The following RAPGEF5 variants were observed in gnomAD, a reference collection of about 807,000 sequenced individuals.
The protein encoded by RAPGEF5 is M-Ras-regulated GEF.
Under a neutral mutation model 125.2 loss-of-function variants are expected in RAPGEF5, and 65 were observed. The ratio of observed to expected loss-of-function variants is 0.52; its 90% CI spans 0.43 to 0.64. The LOEUF (loss-of-function observed/expected upper bound fraction) is 0.64. Ranked by LOEUF, RAPGEF5 falls within the 30% of genes least tolerant of loss-of-function variation. RAPGEF5 has a pLI of 0.00. For missense variants in RAPGEF5, 958 were observed against 1,048.1 expected, an observed-to-expected ratio of 0.91 and a Z score of 1.19; for synonymous variants, 391 against 385.9, an observed-to-expected ratio of 1.01 and a Z score of -0.16.
intron 5 of RAPGEF5, among the ~76,000 whole-genome samples, chr7:22,298,173 G>GTT (rs1353403134): frequency 1.2e-4 from 14 of 118,650 alleles, no homozygotes; most frequent in South Asian, 3.1e-4. Context: ...ATATTGTTCT[G>GTT]TTTTTTGTTT....
chr7:22,234,556 G>A (rs917946778), intron 7 of RAPGEF5, among the ~76,000 whole-genome samples: 2 of 152,182 alleles, frequency 1.3e-5, no homozygotes, highest in Non-Finnish European at 2.9e-5. Flanking sequence ...AAAGATACAA[G>A]TGCAAGATCT....
intron 7 of RAPGEF5, among the ~76,000 whole-genome samples, chr7:22,252,679 C>T (rs1784953603): frequency 6.6e-6 from 1 of 152,078 alleles, no homozygotes; most frequent in South Asian, 2.1e-4. Context: ...TTATAGTATG[C>T]CATTGAATGG....
chr7:22,175,829 A>T (rs1292323786), intron 11 of RAPGEF5, among the ~76,000 whole-genome samples: 2 of 152,246 alleles, frequency 1.3e-5, no homozygotes, highest in Non-Finnish European at 2.9e-5. Flanking sequence ...AACTTAGGAC[A>T]TTGTAATGTT....
chr7:22,294,427 C>CT (rs1319319875), intron 5 of RAPGEF5, among the ~76,000 whole-genome samples: 2 of 152,158 alleles, frequency 1.3e-5, no homozygotes, highest in African/African-American at 2.4e-5. Flanking sequence ...GCAGATGTCT[C>CT]TGTAAGTTCA....
intron 14 of RAPGEF5, among the ~76,000 whole-genome samples, chr7:22,158,958 C>CTTA (rs1462074763): frequency 6.6e-6 from 1 of 152,128 alleles, no homozygotes; most frequent in Non-Finnish European, 1.5e-5. Context: ...ATATCATTTT[C>CTTA]TTATTTTACT....
At chr7:22,305,163 G>T (rs562523663) in intron 5 of RAPGEF5, among the ~76,000 whole-genome samples, 1 of 152,290 alleles carries the variant, frequency 6.6e-6, no homozygotes, top group South Asian at 2.1e-4. Flanking sequence ...CGGGTTACCC[G>T]ATCTCTGTAC....
chr7:22,157,735 C>T, intron 15 of RAPGEF5, 120 bp downstream of exon 15: 3 of 1,123,216 alleles, frequency 2.7e-6, no homozygotes, highest in Non-Finnish European at 3.9e-6. Flanking sequence ...CCCCAGGCGC[C>T]CCGCCTTGTC....
chr7:22,306,945 G>A (rs1016264620), intron 5 of RAPGEF5, among the ~76,000 whole-genome samples: 4 of 152,154 alleles, frequency 2.6e-5, no homozygotes, highest in African/African-American at 9.7e-5. Context: ...TGCTGTTTGG[G>A]TTACTATAGC....
chr7:22,196,989 GAAGTA>G (rs1180069941), intron 9 of RAPGEF5, among the ~76,000 whole-genome samples: 1 of 152,194 alleles, frequency 6.6e-6, no homozygotes, highest in Non-Finnish European at 1.5e-5. Flanking sequence ...CTAAGGGGAA[GAAGTA>G]AAGTGGGAGA....
In RAPGEF5 at chr7:22,308,507, A is replaced by T; in HGVS notation, c.512T>A (p.Val171Glu). The T allele has an allele frequency of 6.6e-7, 1 of 1,516,948 alleles. No individual in the cohort carries two copies. Among genetic ancestry groups the T allele is most frequent in the Non-Finnish European group, 8.9e-7 (1 of 1,128,344 alleles). The allele number at this position is 1,516,948 out of a possible 1,614,324, so 94.0% of individuals were successfully genotyped here. Residue 171 changes from valine to glutamate, a missense_variant and splice_region_variant, in exon 5 of 26, where the codon GTG (valine) becomes GAG (glutamate). By Grantham distance (121) the Val-to-Glu change is moderately radical. Coordinates refer to ENST00000665637, the MANE Select transcript of RAPGEF5 (RefSeq NM_012294.5). Reference sequence around the variant, plus strand: ...ATCTTGAAAGTATAGATGCTGGTCCACTGTTTGAAACAAAAAATATATAGA... The same window carrying T: ...ATCTTGAAAGTATAGATGCTGGTCCTCTGTTTGAAACAAAAAATATATAGA... The part of the protein sequence containing the change: ...LLLDMGIMLS[V>E]DQHLYFQDTY...
intron 11 of RAPGEF5, among the ~76,000 whole-genome samples, chr7:22,175,031 G>A (rs895928096): frequency 6.6e-6 from 1 of 152,162 alleles, no homozygotes; most frequent in Non-Finnish European, 1.5e-5. Flanking sequence ...ATGTTTGGGC[G>A]ATGGTAAGGG....
chr7:22,279,980 G>A (rs1167593970), intron 6 of RAPGEF5, among the ~76,000 whole-genome samples: 1 of 152,124 alleles, frequency 6.6e-6, no homozygotes, highest in Non-Finnish European at 1.5e-5. Context: ...TGCTTCCTAT[G>A]TGCCAGTAGA....
rs1187050404 is a variant in RAPGEF5 at position 22,219,860 on chromosome 7, G to A, written c.996+6C>T. ...AACCTGCATCCCCAAGAGGCAAAAG[G>A]CTTACGTGTTCAGACTTCTCCTGTT... On this transcript the variant is annotated splice_donor_region_variant and intron_variant, in intron 9 of 25. Coordinates refer to ENST00000665637, the MANE Select transcript of RAPGEF5 (RefSeq NM_012294.5). The A allele has an allele frequency of 6.2e-7, 1 of 1,601,992 alleles. No individual in the cohort carries two copies. The highest frequency in any genetic ancestry group is 1.7e-5 in the Admixed American group (1 of 59,670).
At chr7:22,244,698 C>T (rs1490553131) in intron 7 of RAPGEF5, among the ~76,000 whole-genome samples, 1 of 152,054 alleles carries the variant, frequency 6.6e-6, no homozygotes. Flanking sequence ...CATCCTGAAA[C>T]CATCCCCCTA....
At chr7:22,175,214 A>C (rs958811330) in intron 11 of RAPGEF5, among the ~76,000 whole-genome samples, 1 of 152,214 alleles carries the variant, frequency 6.6e-6, no homozygotes, top group Non-Finnish European at 1.5e-5. Context: ...AAGAGGCTTT[A>C]TCGGGCTCAG....
chr7:22,270,202 A>C (rs543927970), intron 6 of RAPGEF5, among the ~76,000 whole-genome samples: 1 of 152,306 alleles, frequency 6.6e-6, no homozygotes, highest in African/African-American at 2.4e-5. Context: ...CTGTGCCTGC[A>C]CTGAATAAAA....
chr7:22,178,606 G>A (rs1427618205), intron 11 of RAPGEF5, among the ~76,000 whole-genome samples: 1 of 152,210 alleles, frequency 6.6e-6, no homozygotes, highest in Non-Finnish European at 1.5e-5. Flanking sequence ...TGAACAGTCA[G>A]GTGAGTAGTT....
intron 9 of RAPGEF5, among the ~76,000 whole-genome samples, chr7:22,198,664 C>T (rs778004519): frequency 1.3e-5 from 2 of 152,106 alleles, no homozygotes; most frequent in Admixed American, 6.5e-5. Context: ...ACAGAACCAC[C>T]AGGAATGGGC....
At chr7:22,248,079 C>G (rs1249968874) in intron 7 of RAPGEF5, among the ~76,000 whole-genome samples, 1 of 152,110 alleles carries the variant, frequency 6.6e-6, no homozygotes, top group Non-Finnish European at 1.5e-5. Flanking sequence ...ACGCAATATA[C>G]CTAGGTAAAA....
Sources: allele counts gnomAD v4.1 joint callset (sites outside exome capture counted in the v4.1 genomes callset), GRCh38; gene constraint gnomAD v4.1.1; transcripts MANE v1.5; gene names NCBI Gene and HGNC (gene_info 2026-07-23, HGNC 2026-07-21).